Variants in ERC1 observed in about 807,000 individuals in gnomAD.
The protein encoded by ERC1 is ELKS/RAB6-interacting/CAST family member 1.
ERC1 carries 56 observed loss-of-function variants against 132.0 expected under a neutral mutation model. The observed-to-expected ratio is 0.42, with a 90% CI of 0.34 to 0.53. The LOEUF (loss-of-function observed/expected upper bound fraction) is 0.53, where lower values mean the gene tolerates loss of function less well. Ranked by LOEUF, ERC1 falls within the 20% of genes least tolerant of loss-of-function variation. The pLI, the probability that ERC1 is intolerant of heterozygous loss-of-function variation, is 0.03. For missense variants in ERC1, 1,202 were observed against 1,349.9 expected (o/e 0.89, Z 1.72); for synonymous variants, 478 against 476.1 (o/e 1.00, Z -0.05).
intron 13 of ERC1, among the ~76,000 whole-genome samples, chr12:1,259,930 CAT>C (rs542309536): frequency 2.6e-4 from 39 of 152,280 alleles, no homozygotes; most frequent in African/African-American, 9.4e-4. Context: ...TTGGATAATC[CAT>C]ACATCTGCTG....
chr12:1,050,431 A>G (rs1971744919), intron 2 of ERC1, among the ~76,000 whole-genome samples: 2 of 152,154 alleles, frequency 1.3e-5, no homozygotes, highest in Admixed American at 6.5e-5. Context: ...TTACAGCACT[A>G]TGAGCTTTAC....
At chr12:1,063,644 A>C (rs1005392907) in intron 2 of ERC1, among the ~76,000 whole-genome samples, 10 of 152,166 alleles carry the variant, frequency 6.6e-5, no homozygotes, top group Non-Finnish European at 1.2e-4. Context: ...TTTTTAAAAA[A>C]AAATCCACTC....
At chr12:1,342,216 G>C (rs1655402015) in intron 15 of ERC1, among the ~76,000 whole-genome samples, 1 of 152,108 alleles carries the variant, frequency 6.6e-6, no homozygotes, top group Non-Finnish European at 1.5e-5. Flanking sequence ...TGTAATCCCA[G>C]CACTTTGGGA....
intron 15 of ERC1, among the ~76,000 whole-genome samples, chr12:1,364,635 A>G (rs1295794431): frequency 6.6e-6 from 1 of 152,138 alleles, no homozygotes; most frequent in Non-Finnish European, 1.5e-5. Flanking sequence ...TTTCTCTGTC[A>G]AAATAGGGCC....
intron 7 of ERC1, among the ~76,000 whole-genome samples, chr12:1,133,084 C>T (rs1409143179): frequency 1.3e-5 from 2 of 151,830 alleles, no homozygotes; most frequent in African/African-American, 4.8e-5. Context: ...TCTTGAACTC[C>T]TCACCTCAAG....
chr12:1,384,793 T>G (rs990321370), intron 16 of ERC1, among the ~76,000 whole-genome samples: 1 of 152,218 alleles, frequency 6.6e-6, no homozygotes, highest in African/African-American at 2.4e-5. Context: ...ATGCTTAAAG[T>G]TTATGGTATT....
chr12:1,405,293 G>GTTT lies in ERC1; in HGVS notation c.2926-2846_2926-2844dup, dbSNP rs59265030. Among the ~76,000 whole-genome samples, 3 of 146,724 alleles carry GTTT rather than the reference G, an allele frequency of 2.0e-5. No homozygotes were observed. In the East Asian group the frequency reaches 5.9e-4, roughly 29 times the overall value. On this transcript the variant is annotated intron_variant, in intron 16 of 18. Transcript: ENST00000360905. ...TGATTCACAGATAATTTATTAATCG[G>GTTT]TTTTTTTTTTTTCTATCGTTATGTA...
chr12:1,023,817 G>T (rs1181040249), intron 1 of ERC1, among the ~76,000 whole-genome samples: 1 of 152,162 alleles, frequency 6.6e-6, no homozygotes, highest in Non-Finnish European at 1.5e-5. Flanking sequence ...TAAGAAACAA[G>T]ATGTATTATA....
At chr12:1,272,544 G>A (rs557244713) in intron 14 of ERC1, among the ~76,000 whole-genome samples, 3 of 152,292 alleles carry the variant, frequency 2.0e-5, no homozygotes, top group African/African-American at 7.2e-5. Flanking sequence ...TGATCAGATG[G>A]ACATTATTCT....
intron 15 of ERC1, among the ~76,000 whole-genome samples, chr12:1,308,719 A>G (rs2081067464): frequency 6.6e-6 from 1 of 152,224 alleles, no homozygotes; most frequent in African/African-American, 2.4e-5. Context: ...TGGGCATGGC[A>G]CAGTTTTTTA....
In ERC1 at chr12:1,179,753, C is replaced by T. The variant is rs553441180; in HGVS notation, c.1738-787C>T. Among the ~76,000 whole-genome samples, 373 of 152,142 alleles carry T rather than the reference C, an allele frequency of 2.5e-3. 2 individuals are homozygous for T. Among genetic ancestry groups the T allele is most frequent in the African/African-American group, 7.6e-3 (317 of 41,490 alleles). On this transcript the variant is annotated intron_variant, in intron 8 of 18. Transcript: ENST00000360905. ...TGATCTCCTGACCTCGTGATCTGCC[C>T]GCCTCGGCCTCCCAAAGTGCTGGGA...
chr12:1,006,984 A>G (rs974280843), intron 1 of ERC1, among the ~76,000 whole-genome samples: 11 of 150,620 alleles, frequency 7.3e-5, no homozygotes, highest in African/African-American at 2.4e-4. Context: ...GGTGTATAGT[A>G]TATAGTGTAT....
At chr12:1,054,493 A>G (rs371683884) in intron 2 of ERC1, among the ~76,000 whole-genome samples, 2 of 151,876 alleles carry the variant, frequency 1.3e-5, no homozygotes, top group East Asian at 1.9e-4. Flanking sequence ...GCTACTAGAT[A>G]TATTTAACTG....
At chr12:1,302,457 A>G (rs745523306) in intron 15 of ERC1, among the ~76,000 whole-genome samples, 11 of 152,210 alleles carry the variant, frequency 7.2e-5, no homozygotes, top group African/African-American at 2.4e-4. Context: ...CCTATTCAAT[A>G]CTATATTGGA....
chr12:1,414,435 T>C (rs1473469904), intron 17 of ERC1, among the ~76,000 whole-genome samples: 2 of 152,206 alleles, frequency 1.3e-5, no homozygotes, highest in African/African-American at 4.8e-5. Context: ...CCTCAGGACC[T>C]AATAATCTTC....
At chr12:1,001,383 A>G (rs1722945982) in intron 1 of ERC1, among the ~76,000 whole-genome samples, 1 of 152,186 alleles carries the variant, frequency 6.6e-6, no homozygotes, top group South Asian at 2.1e-4. Flanking sequence ...AATGTAACAC[A>G]TATGTAGAAA....
chr12:1,018,296 G>T (rs1305415389), intron 1 of ERC1, among the ~76,000 whole-genome samples: 1 of 152,138 alleles, frequency 6.6e-6, no homozygotes, highest in African/African-American at 2.4e-5. Context: ...CCACCTCCCG[G>T]CTTCAAGCGA....
intron 18 of ERC1, among the ~76,000 whole-genome samples, chr12:1,461,762 A>G (rs1046743533): frequency 2.6e-5 from 4 of 152,234 alleles, no homozygotes; most frequent in Non-Finnish European, 5.9e-5. Flanking sequence ...AATTCCAGAT[A>G]TTAACCAAAA....
intron 8 of ERC1, among the ~76,000 whole-genome samples, chr12:1,155,147 G>A (rs532701758): frequency 1.5e-4 from 23 of 152,088 alleles, no homozygotes; most frequent in South Asian, 1.0e-3. Context: ...CCAACGTGGC[G>A]AAACCCCATA....
Sources: allele counts gnomAD v4.1 joint callset (sites outside exome capture counted in the v4.1 genomes callset), GRCh38; gene constraint gnomAD v4.1.1; transcripts MANE v1.5; gene names NCBI Gene and HGNC (gene_info 2026-07-23, HGNC 2026-07-21).